Variants in SLF1 observed in about 807,000 individuals in gnomAD.
The protein encoded by SLF1 is SMC5/6 complex localization factor 1.
SLF1 carries 105 observed loss-of-function variants against 123.0 expected under a neutral mutation model. That is an observed-to-expected ratio of 0.85 (90% CI 0.73 to 1.00). The LOEUF is 1.00. SLF1 is among the 50% of genes least tolerant of loss of function. The probability of loss-of-function intolerance (pLI) is 0.00; values close to 1 mark genes in which losing one functional copy is unlikely to be tolerated. For missense variants in SLF1, 1,239 were observed against 1,223.0 expected, an observed-to-expected ratio of 1.01 and a Z score of -0.20; for synonymous variants, 434 against 406.6, an observed-to-expected ratio of 1.07 and a Z score of -0.81.
rs763637028 is a variant in SLF1 at position 94,686,570 on chromosome 5, C to T, written c.1976-3C>T. 3.1e-6 allele frequency: 5 copies of T among 1,613,390 alleles called. No homozygotes were observed. The highest frequency in any genetic ancestry group is 4.2e-6 in the Non-Finnish European group (5 of 1,179,550). The stretch of plus-strand genomic sequence containing the variant: ...CTATATTAACTTACCTTATGTTCTC[C>T]AGACTTTTCTTCACAGGAATTAGAG... On this transcript the variant is annotated splice_polypyrimidine_tract_variant and splice_region_variant and intron_variant, in intron 15 of 20. Transcript: ENST00000265140.
chr5:94,661,667 G>A (rs958611346), intron 9 of SLF1, among the ~76,000 whole-genome samples: 1 of 151,742 alleles, frequency 6.6e-6, no homozygotes, highest in African/African-American at 2.4e-5. Context: ...CCTGAGAGTA[G>A]CTAGGATTAT....
chr5:94,678,600 C>CT (rs1330043719), intron 14 of SLF1: 15 of 385,584 alleles, frequency 3.9e-5, no homozygotes, highest in Non-Finnish European at 5.4e-5. Flanking sequence ...GGAAAATTTG[C>CT]TTTGTTAACT....
intron 14 of SLF1, among the ~76,000 whole-genome samples, chr5:94,677,243 A>C (rs996239154): frequency 6.6e-6 from 1 of 152,190 alleles, no homozygotes. Flanking sequence ...TATTTTAAAA[A>C]CACCTTTGAT....
chr5:94,664,797 T>G (rs1749552412), intron 11 of SLF1, among the ~76,000 whole-genome samples: 1 of 152,194 alleles, frequency 6.6e-6, no homozygotes, highest in African/African-American at 2.4e-5. Flanking sequence ...GATAGAGTCA[T>G]CCCTTGCTGT....
At chr5:94,636,206 A>C (rs931598177) in intron 4 of SLF1, among the ~76,000 whole-genome samples, 2 of 152,138 alleles carry the variant, frequency 1.3e-5, no homozygotes, top group Non-Finnish European at 2.9e-5. Flanking sequence ...TGCTGCTTTC[A>C]GAATTTTTTA....
intron 5 of SLF1, 56 bp downstream of exon 5, chr5:94,643,491 A>G: frequency 8.5e-7 from 1 of 1,178,642 alleles, no homozygotes; most frequent in Non-Finnish European, 1.1e-6. Context: ...ATTTTATAAA[A>G]TACCAACATA....
chr5:94,696,236 A>C lies in SLF1; in HGVS notation c.*924A>C, dbSNP rs949935701. ...TTCTTCACTACTGGGAGTAAGTTAC[A>C]TTATGATACAGGTGGAAAATAAACA... On this transcript the variant is annotated 3_prime_UTR_variant, in exon 21 of 21. Transcript: ENST00000265140. 2 of 151,942 alleles carry C rather than the reference A, an allele frequency of 1.3e-5. No homozygotes were observed. Among genetic ancestry groups the C allele is most frequent in the African/African-American group, 4.8e-5 (2 of 41,528 alleles). The allele number at this position is 151,942 out of a possible 1,614,324, so 9.4% of individuals were successfully genotyped here. A position where few individuals can be genotyped will look rare whatever the true frequency, so the allele number is the denominator to read the frequency against.
chr5:94,696,822 A>G lies in SLF1; in HGVS notation c.*1510A>G, dbSNP rs981504960. On this transcript the variant is annotated 3_prime_UTR_variant, in exon 21 of 21. Transcript: ENST00000265140. ...GAGCTTTGGCTTTCCTACATGTCAA[A>G]TAGAAATCACACCAGGTATCTTTGT... is the stretch of plus-strand genomic sequence containing the variant. 1.3e-4 allele frequency: 19 copies of G among 151,886 alleles called. No individual in the cohort carries two copies. Among genetic ancestry groups the G allele is most frequent in the African/African-American group, 4.3e-4 (18 of 41,404 alleles). The allele number at this position is 151,886 out of a possible 1,614,324, so 9.4% of individuals were successfully genotyped here.
chr5:94,632,618 C>G (rs544729529), intron 4 of SLF1, among the ~76,000 whole-genome samples: 1 of 152,092 alleles, frequency 6.6e-6, no homozygotes, highest in East Asian at 1.9e-4. Context: ...ATAGATTGCT[C>G]TTAAACTTTT....
intron 13 of SLF1, 67 bp downstream of exon 13, chr5:94,670,346 T>C: frequency 1.8e-6 from 2 of 1,131,546 alleles, no homozygotes; most frequent in Non-Finnish European, 2.4e-6. Flanking sequence ...ATTTTTTTTT[T>C]ACAATTATTA....
chr5:94,619,611 T>TTTG (rs80315633), intron 1 of SLF1, among the ~76,000 whole-genome samples: 1 of 151,866 alleles, frequency 6.6e-6, no homozygotes, highest in African/African-American at 2.4e-5. Context: ...ATTAAAAAAT[T>TTTG]TTGTTGTTGT....
At chr5:94,628,212 C>T (rs777568603) in intron 1 of SLF1, among the ~76,000 whole-genome samples, 1 of 151,972 alleles carries the variant, frequency 6.6e-6, no homozygotes, top group South Asian at 2.1e-4. Flanking sequence ...GTGGCATGAT[C>T]TTGGCTCACT....
rs112720985 is a variant in SLF1, at chr5:94,695,201, A to G, written c.3066A>G (p.Pro1022=). The G allele has an allele frequency of 1.9e-5, 30 of 1,612,802 alleles. No individual in the cohort carries two copies. The highest frequency in any genetic ancestry group is 2.3e-5 in the Non-Finnish European group (27 of 1,179,040). Residue 1022 remains proline (P), a synonymous_variant, in exon 21 of 21, where the codon CCA becomes CCG. Coordinates refer to ENST00000265140, the MANE Select transcript of SLF1 (RefSeq NM_032290.4). ...AGNIKTLQKL[P]HILKELPENL... ...ATATAAAGACATTGCAGAAACTCCC[A>G]CACATTCTTAAGGAACTGCCTGAGA...
chr5:94,685,127 T>C (rs1230156984), intron 15 of SLF1, among the ~76,000 whole-genome samples: 2 of 152,236 alleles, frequency 1.3e-5, no homozygotes, highest in Non-Finnish European at 2.9e-5. Context: ...TACAAGACAC[T>C]AGAGCCCCAG....
chr5:94,643,146 T>C (rs559612222), intron 4 of SLF1, 127 bp from the exon 5 acceptor site: 1 of 617,904 alleles, frequency 1.6e-6, no homozygotes, highest in Non-Finnish European at 2.7e-6. Context: ...TGATCCTCAA[T>C]TGCCCAAAGA....
At chr5:94,677,392 T>C (rs550162018) in intron 14 of SLF1, among the ~76,000 whole-genome samples, 1 of 152,314 alleles carries the variant, frequency 6.6e-6, no homozygotes, top group East Asian at 1.9e-4. Context: ...AATATTGTGA[T>C]AATAGATTAG....
chr5:94,663,031 T>A (rs1412218222), intron 10 of SLF1, among the ~76,000 whole-genome samples: 1 of 152,240 alleles, frequency 6.6e-6, no homozygotes, highest in African/African-American at 2.4e-5. Context: ...CAAATATTGC[T>A]TGTGCTTGAT....
chr5:94,686,879 C>G (rs575310488), intron 16 of SLF1, among the ~76,000 whole-genome samples, 161 bp downstream of exon 16: 5 of 152,288 alleles, frequency 3.3e-5, no homozygotes, highest in Admixed American at 6.5e-5. Flanking sequence ...GCTCCGCCTC[C>G]CGGGTGCATG....
intron 4 of SLF1, among the ~76,000 whole-genome samples, chr5:94,635,388 A>T (rs180837141): frequency 4.3e-4 from 17 of 39,442 alleles, no homozygotes; most frequent in African/African-American, 5.1e-4. Context: ...TGACCACTCT[A>T]TGTCTTTTGT....
Sources: allele counts gnomAD v4.1 joint callset (sites outside exome capture counted in the v4.1 genomes callset), GRCh38; gene constraint gnomAD v4.1.1; transcripts MANE v1.5; gene names NCBI Gene and HGNC (gene_info 2026-07-23, HGNC 2026-07-21).